Variants in CNTLN observed in about 807,000 individuals in gnomAD.
CNTLN encodes the protein centlein, centrosomal protein.
A neutral mutation model predicts 180.0 loss-of-function variants in CNTLN; 212 were observed. The observed-to-expected ratio is 1.18, with a 90% CI of 1.05 to 1.32. The LOEUF is 1.32. Ranked by LOEUF, CNTLN falls within the 40% of genes most tolerant of loss-of-function variation. The pLI, the probability that CNTLN is intolerant of heterozygous loss-of-function variation, is 0.00. For missense variants in CNTLN, 2,095 were observed against 1,610.9 expected (o/e 1.30, Z -5.14); for synonymous variants, 722 against 563.1 (o/e 1.28, Z -3.99).
In CNTLN at chr9:17,487,070, T is replaced by A. The variant is rs1185656041; in HGVS notation, c.4119+4T>A. ...TCAGAAACTTCTTGAAGGACAGGTA[T>A]TTCATTTTTCTGTTTCATATATTAA... On this transcript the variant is annotated splice_donor_region_variant and intron_variant, in intron 25 of 25. Transcript: ENST00000380647. 7 of 1,578,424 alleles carry A rather than the reference T, an allele frequency of 4.4e-6. No individual in the cohort carries two copies. Among genetic ancestry groups the A allele is most frequent in the Non-Finnish European group, 5.2e-6 (6 of 1,149,284 alleles).
At chr9:17,180,707 A>G (rs533176089) in intron 2 of CNTLN, among the ~76,000 whole-genome samples, 1 of 152,136 alleles carries the variant, frequency 6.6e-6, no homozygotes, top group South Asian at 2.1e-4. Context: ...TACTTTAGCT[A>G]TACTTTTTTG....
At chr9:17,194,642 T>A (rs991938457) in intron 2 of CNTLN, among the ~76,000 whole-genome samples, 2 of 152,256 alleles carry the variant, frequency 1.3e-5, no homozygotes, top group African/African-American at 4.8e-5. Flanking sequence ...TTTCCCAAAT[T>A]TTCCTGTCTT....
At chr9:17,515,527 C>T in the CNTLN span, among the ~76,000 whole-genome samples, 3 of 152,064 alleles carry the variant, frequency 2.0e-5, no homozygotes, top group African/African-American at 7.2e-5. Context: ...GTCACATGTC[C>T]AGAGCTGAAT....
intron 10 of CNTLN, among the ~76,000 whole-genome samples, chr9:17,333,469 T>C (rs1047742865): frequency 1.5e-4 from 23 of 152,164 alleles, no homozygotes; most frequent in African/African-American, 5.5e-4. Flanking sequence ...TTTTATGATA[T>C]TCTGTAAATC....
chr9:17,335,662 G>A (rs1412586543), intron 10 of CNTLN, among the ~76,000 whole-genome samples: 1 of 152,058 alleles, frequency 6.6e-6, no homozygotes, highest in African/African-American at 2.4e-5. Context: ...GCCTTGCCAG[G>A]CACGATGGCT....
chr9:17,136,746 A>G (rs1218638373), intron 1 of CNTLN, among the ~76,000 whole-genome samples: 2 of 152,204 alleles, frequency 1.3e-5, no homozygotes, highest in African/African-American at 4.8e-5. Context: ...GACATTTAAT[A>G]TGGTGCCCTC....
At chr9:17,292,773 G>C (rs1363378115) in intron 6 of CNTLN, among the ~76,000 whole-genome samples, 1 of 152,014 alleles carries the variant, frequency 6.6e-6, no homozygotes. Context: ...TAAGTTCATT[G>C]TTACCCACCT....
Position 17,455,175 on chromosome 9 carries a change from T to A in CNTLN, c.3115-2349T>A, listed in dbSNP as rs188515181. Among the ~76,000 whole-genome samples the A allele has an allele frequency of 5.5e-4, 84 of 152,322 alleles. 1 individual carries two copies. In the East Asian group the frequency reaches 0.016, roughly 29 times the overall value. On this transcript the variant is annotated intron_variant, in intron 18 of 25. Transcript: ENST00000380647. ...TAGAGCTCCAGTTATTTGTCCACAA[T>A]GCTAAGGAGAACCAAAGGTTTCCAA...
intron 2 of CNTLN, among the ~76,000 whole-genome samples, chr9:17,152,950 A>G (rs139600265): frequency 0.014 from 2,192 of 152,062 alleles, 57 homozygotes; most frequent in African/African-American, 0.051. Context: ...TTGGTTTAAG[A>G]TCTGTTTTAT....
At chr9:17,468,485 A>G (rs554555060) in intron 23 of CNTLN, among the ~76,000 whole-genome samples, 1 of 151,636 alleles carries the variant, frequency 6.6e-6, no homozygotes, top group Non-Finnish European at 1.5e-5. Flanking sequence ...TTTTTGTTTT[A>G]TATTCAACTT....
chr9:17,502,561 C>A lies in CNTLN; in HGVS notation c.4130C>A (p.Ala1377Asp). 1 of 1,375,186 alleles carries A rather than the reference C, an allele frequency of 7.3e-7. No homozygotes were observed. The highest frequency in any genetic ancestry group is 2.5e-5 in the Admixed American group (1 of 40,508). The allele number at this position is 1,375,186 out of a possible 1,614,324, so 85.2% of individuals were successfully genotyped here. A position where few individuals can be genotyped will look rare whatever the true frequency, so the allele number is the denominator to read the frequency against. The change falls in exon 26 of 26, where the codon GCC becomes GAC. Residue 1377 changes from alanine to aspartate, a missense_variant. By Grantham distance (126) the Ala-to-Asp change is moderately radical. Transcript: ENST00000380647. ...GTGTTTCTTTTACAGCTTCCTTTTG[C>A]CTCATATTTACTAGAAGCAGTACTG... ...QKLLEGQLPF[A>D]SYLLEAVLEK... is the part of the protein sequence containing the mutation.
chr9:17,364,923 C>G (rs1386483228), intron 12 of CNTLN, among the ~76,000 whole-genome samples: 2 of 152,160 alleles, frequency 1.3e-5, no homozygotes, highest in African/African-American at 4.8e-5. Context: ...TCTGTCCTGT[C>G]CCCATCCTAG....
intron 12 of CNTLN, among the ~76,000 whole-genome samples, chr9:17,357,597 T>TAA (rs1302633800): frequency 2.7e-5 from 2 of 73,204 alleles, no homozygotes; most frequent in South Asian, 3.3e-4. Flanking sequence ...TATATATAAA[T>TAA]ACTACATATA....
Position 17,464,596 on chromosome 9 carries a change from T to C in CNTLN, c.3504T>C (p.Ser1168=). The part of the protein sequence containing the change: ...KVNLESNKSF[S]EMLQNLDKKV... The stretch of plus-strand genomic sequence containing the variant: ...ATTTGGAAAGTAACAAGAGTTTTAG[T>C]GAAATGTTACAAAATCTTGATAAAA... Residue 1168 remains serine, a synonymous_variant, in exon 21 of 26, where the codon AGT becomes AGC. Coordinates refer to ENST00000380647, the MANE Select transcript of CNTLN (RefSeq NM_017738.4). 1 of 1,492,412 alleles carries C rather than the reference T, an allele frequency of 6.7e-7. No individual in the cohort carries two copies. Among genetic ancestry groups the C allele is most frequent in the Non-Finnish European group, 9.0e-7 (1 of 1,116,278 alleles). 92.4% of individuals were successfully genotyped at this position (1,492,412 alleles called of 1,614,324 possible).
At chr9:17,156,544 G>T (rs1214356741) in intron 2 of CNTLN, among the ~76,000 whole-genome samples, 2 of 151,526 alleles carry the variant, frequency 1.3e-5, no homozygotes, top group Non-Finnish European at 2.9e-5. Context: ...GAATAAATTG[G>T]GTTATTTATT....
chr9:17,350,345 C>G (rs961808032), intron 12 of CNTLN, among the ~76,000 whole-genome samples: 10 of 152,164 alleles, frequency 6.6e-5, no homozygotes, highest in African/African-American at 2.4e-4. Context: ...ATAGGTCTTT[C>G]TATACTAATC....
chr9:17,259,051 C>A (rs79864820), intron 5 of CNTLN, among the ~76,000 whole-genome samples: 1 of 146,512 alleles, frequency 6.8e-6, no homozygotes, highest in Non-Finnish European at 1.5e-5. Context: ...TGTCTTGTGC[C>A]AGTTTTCAAA....
chr9:17,367,673 G>A (rs1021325493), intron 13 of CNTLN, among the ~76,000 whole-genome samples: 2 of 152,060 alleles, frequency 1.3e-5, no homozygotes, highest in African/African-American at 2.4e-5. Flanking sequence ...ATAGGATAGG[G>A]CGCTAGTTAG....
At chr9:17,294,109 G>C (rs1817614051) in intron 6 of CNTLN, among the ~76,000 whole-genome samples, 1 of 152,154 alleles carries the variant, frequency 6.6e-6, no homozygotes, top group Non-Finnish European at 1.5e-5. Flanking sequence ...GGTCTCGCTG[G>C]CTTCAGGAGT....
Sources: gnomAD v4.1 joint callset for allele counts (sites outside exome capture counted in the v4.1 genomes callset) on GRCh38, gnomAD v4.1.1 for gene constraint, MANE v1.5 for transcripts, NCBI Gene and HGNC (gene_info 2026-07-23, HGNC 2026-07-21) for gene names.